IL1RAP: variants seen among roughly 807,000 people sequenced by gnomAD.
The protein encoded by IL1RAP is interleukin 1 receptor accessory protein.
In IL1RAP, 35 loss-of-function variants were observed where a neutral mutation model predicts 60.7. That is an observed-to-expected ratio of 0.58 (90% confidence interval 0.44 to 0.76). IL1RAP has a LOEUF of 0.76. Among genes scored for constraint, IL1RAP ranks in the 30% least tolerant of loss-of-function variants. The pLI is 0.00. For missense variants in IL1RAP, 572 were observed against 693.9 expected, an observed-to-expected ratio of 0.82 and a Z score of 1.97; for synonymous variants, 268 against 250.9, an observed-to-expected ratio of 1.07 and a Z score of -0.64.
intron 3 of IL1RAP, among the ~76,000 whole-genome samples, chr3:190,594,315 GA>G (rs1729196650): frequency 6.6e-6 from 1 of 152,154 alleles, no homozygotes; most frequent in Non-Finnish European, 1.5e-5. Flanking sequence ...TGTAGAGGTG[GA>G]AAGTTCAGGG....
intron 11 of IL1RAP, among the ~76,000 whole-genome samples, chr3:190,647,580 C>T (rs957475469): frequency 1.3e-5 from 2 of 152,104 alleles, no homozygotes; most frequent in Non-Finnish European, 2.9e-5. Flanking sequence ...TGCAAGTAGA[C>T]ACATCATCTA....
At chr3:190,559,682 G>T (rs1410597909) in intron 2 of IL1RAP, among the ~76,000 whole-genome samples, 2 of 152,152 alleles carry the variant, frequency 1.3e-5, no homozygotes, top group African/African-American at 4.8e-5. Flanking sequence ...AGTGTTTGGA[G>T]ATTTTCCTAT....
At chr3:190,563,318 C>G (rs1207770644) in intron 2 of IL1RAP, 1 of 152,170 alleles carries the variant, frequency 6.6e-6, no homozygotes, top group Admixed American at 6.6e-5. Context: ...GACAAGTTAT[C>G]AAGACCTCTG....
intron 7 of IL1RAP, among the ~76,000 whole-genome samples, chr3:190,623,804 C>T (rs1731986306): frequency 5.9e-5 from 9 of 152,210 alleles, no homozygotes; most frequent in Admixed American, 5.9e-4. Flanking sequence ...GAAGGCAAGA[C>T]TGTGAATATA....
Position 190,556,161 on chromosome 3 carries a change from G to C in IL1RAP, c.-57G>C, listed in dbSNP as rs932752754. ...TCATGTGATCATCACCTAAGAACTA[G>C]AACATCAGCAGGCCCTAGAAGCCTC... On this transcript the variant is annotated 5_prime_UTR_variant, in exon 2 of 12. Transcript: ENST00000447382. 2 of 152,042 alleles carry C rather than the reference G, an allele frequency of 1.3e-5. No homozygotes were observed. The highest frequency in any genetic ancestry group is 1.5e-5 in the Non-Finnish European group (1 of 68,002). 9.4% of individuals were successfully genotyped at this position (152,042 alleles called of 1,614,324 possible).
At chr3:190,628,003 T>C (rs943296398) in intron 8 of IL1RAP, among the ~76,000 whole-genome samples, 1 of 152,304 alleles carries the variant, frequency 6.6e-6, no homozygotes, top group Non-Finnish European at 1.5e-5. Flanking sequence ...CATTTATAAT[T>C]AGTAATTTTT....
intron 5 of IL1RAP, among the ~76,000 whole-genome samples, chr3:190,615,645 A>T (rs1731203081): frequency 6.6e-6 from 1 of 152,170 alleles, no homozygotes; most frequent in Non-Finnish European, 1.5e-5. Context: ...TGTGGTTGTA[A>T]CTTTCCACAA....
In IL1RAP at chr3:190,644,382, G is replaced by A. The variant is rs1297190587; in HGVS notation, c.1186G>A (p.Asp396Asn). 1 of 1,613,488 alleles carries A rather than the reference G, an allele frequency of 6.2e-7. No homozygotes were observed. Among genetic ancestry groups the A allele is most frequent in the Non-Finnish European group, 8.5e-7 (1 of 1,179,662 alleles). ...ATTTTACCGGGCTCATTTTGGAACAGATGAAACCATTTTAGGTAAGTAACA... is the reference window on the plus strand; with the variant it reads ...ATTTTACCGGGCTCATTTTGGAACAAATGAAACCATTTTAGGTAAGTAACA... ...VLFYRAHFGT[D>N]ETILDGKEYD... The change falls in exon 10 of 12, where the codon GAT (aspartate) becomes AAT (asparagine). Residue 396 changes from aspartate to asparagine, a missense_variant. Coordinates refer to ENST00000447382, the MANE Select transcript of IL1RAP (RefSeq NM_002182.4).
At chr3:190,634,646 G>C (rs1733050369) in intron 9 of IL1RAP, among the ~76,000 whole-genome samples, 1 of 151,616 alleles carries the variant, frequency 6.6e-6, no homozygotes, top group South Asian at 2.1e-4. Context: ...AAGCCTATGG[G>C]TAAAACTGGT....
intron 3 of IL1RAP, among the ~76,000 whole-genome samples, chr3:190,581,676 G>T (rs1404804694): frequency 6.6e-6 from 1 of 152,164 alleles, no homozygotes; most frequent in African/African-American, 2.4e-5. Flanking sequence ...CCCTGGTTTT[G>T]ACGACTCTAA....
chr3:190,529,548 G>A (rs1722804448), intron 1 of IL1RAP, among the ~76,000 whole-genome samples: 1 of 152,070 alleles, frequency 6.6e-6, no homozygotes, highest in Non-Finnish European at 1.5e-5. Context: ...AGCTGGGTGT[G>A]GTGACGCACG....
chr3:190,638,547 A>G (rs1577801812), intron 9 of IL1RAP, among the ~76,000 whole-genome samples: 1 of 152,246 alleles, frequency 6.6e-6, no homozygotes, highest in Admixed American at 6.5e-5. Context: ...ACTTTTCCCC[A>G]GTCTGTTGCA....
At chr3:190,588,380 G>A (rs1231036465) in intron 3 of IL1RAP, among the ~76,000 whole-genome samples, 1 of 152,212 alleles carries the variant, frequency 6.6e-6, no homozygotes, top group Admixed American at 6.5e-5. Flanking sequence ...CCAAAGTGCT[G>A]GGATTACAGG....
At chr3:190,550,742 G>A (rs1195127706) in intron 1 of IL1RAP, among the ~76,000 whole-genome samples, 1 of 152,142 alleles carries the variant, frequency 6.6e-6, no homozygotes, top group African/African-American at 2.4e-5. Flanking sequence ...TTGGTTCACA[G>A]GAACAAGCAG....
chr3:190,616,804 A>G (rs1409293005), intron 5 of IL1RAP, among the ~76,000 whole-genome samples: 2 of 152,130 alleles, frequency 1.3e-5, no homozygotes, highest in Non-Finnish European at 2.9e-5. Flanking sequence ...TCTCATTCAT[A>G]CCTTTGATCA....
chr3:190,581,865 C>T (rs1184270262), intron 3 of IL1RAP, among the ~76,000 whole-genome samples: 1 of 152,080 alleles, frequency 6.6e-6, no homozygotes, highest in African/African-American at 2.4e-5. Flanking sequence ...TCTTCATGCT[C>T]GTTTGTGTCT....
intron 1 of IL1RAP, among the ~76,000 whole-genome samples, chr3:190,540,447 G>A (rs1359641587): frequency 6.6e-6 from 1 of 151,814 alleles, no homozygotes; most frequent in Non-Finnish European, 1.5e-5. Context: ...CTGTCTATAG[G>A]GAAATTTCTT....
chr3:190,589,112 T>C (rs1728723949), intron 3 of IL1RAP, among the ~76,000 whole-genome samples: 1 of 152,204 alleles, frequency 6.6e-6, no homozygotes, highest in Non-Finnish European at 1.5e-5. Context: ...AGCTCTAACA[T>C]GCAGTGGTTT....
chr3:190,576,747 C>A (rs1727490289), intron 3 of IL1RAP, among the ~76,000 whole-genome samples: 1 of 152,102 alleles, frequency 6.6e-6, no homozygotes, highest in Non-Finnish European at 1.5e-5. Flanking sequence ...TGTAATGAAC[C>A]ATACATGCTA....
Sources: allele counts gnomAD v4.1 joint callset (sites outside exome capture counted in the v4.1 genomes callset), GRCh38; gene constraint gnomAD v4.1.1; transcripts MANE v1.5; gene names NCBI Gene and HGNC (gene_info 2026-07-23, HGNC 2026-07-21).